PSD3: variants seen among roughly 807,000 people sequenced by gnomAD.
PSD3 encodes PH and SEC7 domain-containing protein 3.
A neutral mutation model predicts 105.5 loss-of-function variants in PSD3; 49 were observed. The observed-to-expected ratio is 0.46, with a 90% CI of 0.37 to 0.59. The LOEUF (loss-of-function observed/expected upper bound fraction) is 0.59. Among genes scored for constraint, PSD3 ranks in the 20% least tolerant of loss-of-function variants. The pLI is 0.00. For synonymous variants in PSD3, 557 were observed against 457.8 expected (o/e 1.22, Z -2.77); for missense variants, 1,561 against 1,263.8 (o/e 1.24, Z -3.57).
chr8:18,809,761 T>A (rs1197915898), intron 4 of PSD3, among the ~76,000 whole-genome samples: 1 of 152,228 alleles, frequency 6.6e-6, no homozygotes, highest in Non-Finnish European at 1.5e-5. Flanking sequence ...TTTTCACTTG[T>A]TTCTGCGATT....
intron 2 of PSD3, among the ~76,000 whole-genome samples, chr8:18,909,911 G>A (rs929507330): frequency 1.3e-5 from 2 of 152,056 alleles, no homozygotes; most frequent in Non-Finnish European, 2.9e-5. Flanking sequence ...CCCTCCGCTG[G>A]GAGGCAGGGG....
chr8:18,837,044 CAGA>C (rs536527585), intron 4 of PSD3, among the ~76,000 whole-genome samples: 4 of 151,606 alleles, frequency 2.6e-5, no homozygotes, highest in Non-Finnish European at 5.9e-5. Flanking sequence ...ACTAAATATC[CAGA>C]AGGAGAGAAA....
chr8:18,997,496 T>G (rs1355174831), intron 1 of PSD3, among the ~76,000 whole-genome samples: 3 of 151,986 alleles, frequency 2.0e-5, no homozygotes, highest in Admixed American at 2.0e-4. Flanking sequence ...CGCTTCAGTC[T>G]ATTCTCATGA....
chr8:18,681,842 G>A (rs1800406649), intron 9 of PSD3, among the ~76,000 whole-genome samples: 1 of 151,638 alleles, frequency 6.6e-6, no homozygotes, highest in African/African-American at 2.4e-5. Flanking sequence ...CTATATCCTT[G>A]AACACATATT....
rs1256648786 is a variant in PSD3, at chr8:18,532,703, G to A, written c.*3040C>T. On this transcript the variant is annotated 3_prime_UTR_variant, in exon 16 of 16. Transcript: ENST00000327040. ...TGCCTACGGGCTGGCGATAAAGTAA[G>A]GACTCTGCATCCCAGTAATTAAGTT... The A allele has an allele frequency of 6.6e-6, 1 of 152,168 alleles. No individual in the cohort carries two copies. The highest frequency in any genetic ancestry group is 2.4e-5 in the African/African-American group (1 of 41,428). 9.4% of individuals were successfully genotyped at this position (152,168 alleles called of 1,614,324 possible). A position where few individuals can be genotyped will look rare whatever the true frequency, so the allele number is the denominator to read the frequency against.
intron 8 of PSD3, among the ~76,000 whole-genome samples, chr8:18,798,226 T>C (rs1360073243): frequency 6.6e-6 from 1 of 152,162 alleles, no homozygotes; most frequent in East Asian, 1.9e-4. Context: ...ATCTGTATTA[T>C]CTCTGGACAC....
At position 18,871,954 on chromosome 8, in the gene PSD3, C is replaced by T. The variant is rs758318755; in HGVS notation, c.910G>A (p.Val304Met). 8.1e-6 allele frequency: 13 copies of T among 1,614,176 alleles called. No homozygotes were observed. Among genetic ancestry groups the T allele is most frequent in the African/African-American group, 1.3e-5 (1 of 75,064 alleles). ...GRVKHVEFQG[V>M]EILWTGGDKR... Reference sequence around the variant, plus strand: ...TCTCCTCCTGTCCACAGTATTTCCACTCCTTGAAATTCCACATGTTTGACC... The same window carrying T: ...TCTCCTCCTGTCCACAGTATTTCCATTCCTTGAAATTCCACATGTTTGACC... The change falls in exon 3 of 16, where the codon GTG becomes ATG. Residue 304 changes from valine to methionine, a missense_variant. Transcript: ENST00000327040.
chr8:18,544,129 C>A (rs1411366944), intron 15 of PSD3, among the ~76,000 whole-genome samples: 2 of 140,906 alleles, frequency 1.4e-5, no homozygotes, highest in Non-Finnish European at 3.0e-5. Flanking sequence ...CAGCAATACA[C>A]TTTGCTCCTA....
At chr8:18,731,864 A>G (rs1354435380) in intron 9 of PSD3, among the ~76,000 whole-genome samples, 1 of 152,188 alleles carries the variant, frequency 6.6e-6, no homozygotes, top group Non-Finnish European at 1.5e-5. Flanking sequence ...TTAAATAAAA[A>G]TGTTTACCCT....
intron 1 of PSD3, among the ~76,000 whole-genome samples, chr8:19,063,116 C>A (rs936873444): frequency 6.6e-6 from 1 of 152,166 alleles, no homozygotes; most frequent in South Asian, 2.1e-4. Context: ...TTGCTAAAAT[C>A]AGAGTTGAGA....
chr8:18,585,750 T>C (rs564518466), intron 12 of PSD3, among the ~76,000 whole-genome samples: 2 of 152,248 alleles, frequency 1.3e-5, no homozygotes, highest in African/African-American at 4.8e-5. Context: ...GCAACAGGTG[T>C]TTTCATGTAT....
intron 8 of PSD3, among the ~76,000 whole-genome samples, chr8:18,769,315 T>C (rs563100196): frequency 4.6e-5 from 7 of 152,180 alleles, no homozygotes; most frequent in Admixed American, 2.0e-4. Flanking sequence ...TCTGCAAAAT[T>C]CAACTGCTTG....
chr8:18,814,143 A>G (rs1039947856), intron 4 of PSD3, among the ~76,000 whole-genome samples: 2 of 152,362 alleles, frequency 1.3e-5, no homozygotes, highest in Admixed American at 1.3e-4. Context: ...ACAAAACCTA[A>G]TTAGCAGAAT....
chr8:18,877,766 T>C (rs1817831996), intron 2 of PSD3, among the ~76,000 whole-genome samples: 2 of 152,040 alleles, frequency 1.3e-5, no homozygotes, highest in African/African-American at 2.4e-5. Context: ...GGTCTTGAAC[T>C]CCTAGGCTCA....
chr8:18,781,852 T>C (rs949528593), intron 8 of PSD3, among the ~76,000 whole-genome samples: 6 of 152,206 alleles, frequency 3.9e-5, no homozygotes, highest in African/African-American at 1.2e-4. Context: ...TATTTCGTCA[T>C]TGTATGTGTT....
intron 11 of PSD3, among the ~76,000 whole-genome samples, chr8:18,613,192 G>T (rs1169213006): frequency 6.6e-6 from 1 of 152,084 alleles, no homozygotes; most frequent in Non-Finnish European, 1.5e-5. Flanking sequence ...ACGAAATGCC[G>T]CCTTCAAGCC....
intron 2 of PSD3, among the ~76,000 whole-genome samples, chr8:18,891,048 C>G (rs1465733897): frequency 1.3e-5 from 2 of 152,130 alleles, no homozygotes; most frequent in African/African-American, 4.8e-5. Flanking sequence ...CTCTGTCAGT[C>G]CCTGTTAACC....
At chr8:18,700,091 T>C (rs1263994018) in intron 9 of PSD3, among the ~76,000 whole-genome samples, 1 of 152,198 alleles carries the variant, frequency 6.6e-6, no homozygotes, top group African/African-American at 2.4e-5. Context: ...CAAACCTTAT[T>C]TTCATTTTCC....
intron 12 of PSD3, among the ~76,000 whole-genome samples, chr8:18,583,575 C>T (rs373389960): frequency 2.8e-4 from 42 of 148,880 alleles, no homozygotes; most frequent in Non-Finnish European, 4.0e-4. Flanking sequence ...TCCCCAAACA[C>T]GCTGTATCAC....
Sources: gnomAD v4.1 joint callset for allele counts (sites outside exome capture counted in the v4.1 genomes callset) on GRCh38, gnomAD v4.1.1 for gene constraint, MANE v1.5 for transcripts, NCBI Gene and HGNC (gene_info 2026-07-23, HGNC 2026-07-21) for gene names.